Variants in UTY observed in about 807,000 individuals in gnomAD.
UTY encodes the protein ubiquitously transcribed tetratricopeptide repeat containing, Y-linked, also known as histone demethylase UTY.
In UTY, 12 loss-of-function variants were observed where a neutral mutation model predicts 32.5. The observed-to-expected ratio is 0.37, with a 90% CI of 0.24 to 0.60. The LOEUF (loss-of-function observed/expected upper bound fraction) is 0.60, where lower values mean the gene tolerates loss of function less well. Ranked by LOEUF, UTY falls within the 20% of genes least tolerant of loss-of-function variation. The pLI, the probability that UTY is intolerant of heterozygous loss-of-function variation, is 0.69. For synonymous variants in UTY, 131 were observed against 103.4 expected (o/e 1.27, Z -1.62); for missense variants, 303 against 299.2 (o/e 1.01, Z -0.09).
At chrY:13,370,475 A>T (rs2064797312) in intron 8 of UTY, among the ~76,000 whole-genome samples, 1 of 33,623 alleles carries the variant, frequency 3.0e-5, no homozygotes, top group Non-Finnish European at 7.4e-5. Flanking sequence ...TCTTTCTCTC[A>T]CACACACATG....
chrY:13,346,319 T>C (rs1603426958), intron 17 of UTY, among the ~76,000 whole-genome samples: 2 of 33,485 alleles, frequency 6.0e-5, no homozygotes, highest in South Asian at 1.3e-3. Context: ...CCTCTGGTCA[T>C]TACCAGGAAA....
chrY:13,452,100 G>A (rs1603468128), intron 3 of UTY, among the ~76,000 whole-genome samples: 1 of 33,662 alleles, frequency 3.0e-5, no homozygotes, highest in South Asian at 6.6e-4. Flanking sequence ...CAGGTGCAGT[G>A]GCTCATACCT....
intron 17 of UTY, among the ~76,000 whole-genome samples, chrY:13,342,577 C>G (rs2061565243): frequency 2.9e-5 from 1 of 34,207 alleles, no homozygotes; most frequent in Non-Finnish European, 7.3e-5. Context: ...CAAACTCCCC[C>G]AAGGATTTAA....
intron 25 of UTY, chrY:13,300,097 A>G (rs2058296005): frequency 5.6e-5 from 8 of 143,625 alleles, no homozygotes; most frequent in Non-Finnish European, 7.0e-5. Flanking sequence ...TAAGGACAGA[A>G]TGTCTATTTG....
chrY:13,426,183 A>T, intron 4 of UTY, among the ~76,000 whole-genome samples: 1 of 33,239 alleles, frequency 3.0e-5, no homozygotes, highest in Non-Finnish European at 7.4e-5. Flanking sequence ...ATAAATAAAA[A>T]AACAAACCAA....
chrY:13,305,947 AG>A, intron 23 of UTY, 90 bp downstream of exon 23: 1 of 261,635 alleles, frequency 3.8e-6, no homozygotes, highest in Non-Finnish European at 5.9e-6. Context: ...AATTAGGAAT[AG>A]AAAAAAAACA....
chrY:13,468,747 T>C (rs1042916893), intron 3 of UTY, among the ~76,000 whole-genome samples: 1 of 33,417 alleles, frequency 3.0e-5, no homozygotes, highest in Admixed American at 2.8e-4. Flanking sequence ...TACTACATTA[T>C]TAGGAGGAAG....
chrY:13,403,223 T>C (rs2069327895), intron 6 of UTY, among the ~76,000 whole-genome samples: 1 of 32,738 alleles, frequency 3.1e-5, no homozygotes, highest in African/African-American at 1.2e-4. Context: ...ATGGGCAAGC[T>C]AATATATACA....
At chrY:13,406,303 T>C (rs560011865) in intron 6 of UTY, among the ~76,000 whole-genome samples, 6 of 33,017 alleles carry the variant, frequency 1.8e-4, no homozygotes, top group Admixed American at 1.7e-3. Flanking sequence ...AAGAACCAAT[T>C]AGGCACCCCT....
At chrY:13,358,649 T>C in intron 13 of UTY, 30 bp from the exon 14 acceptor site, 1 of 332,784 alleles carries the variant, frequency 3.0e-6, no homozygotes, top group Non-Finnish European at 4.2e-6. Flanking sequence ...GATAAAAATA[T>C]GGTTCTACAT....
chrY:13,336,044 T>G lies in UTY; in HGVS notation c.2353A>C (p.Asn785His). The G allele has an allele frequency of 2.5e-6, 1 of 399,031 alleles. No homozygotes were observed. Among genetic ancestry groups the G allele is most frequent in the South Asian group, 3.0e-5 (1 of 33,790 alleles). ...ETSRHTGDTSNGCADVKGLSN... is the reference protein window; with the variant it reads ...ETSRHTGDTSHGCADVKGLSN... Reference sequence around the variant, plus strand: ...AGTCCCTTGACATCAGCACAGCCATTAGATGTGTCTCCAGTATGCCTGCTT... The same window carrying G: ...AGTCCCTTGACATCAGCACAGCCATGAGATGTGTCTCCAGTATGCCTGCTT... The change falls in exon 18 of 30, where the codon AAT becomes CAT. Residue 785 changes from asparagine (N) to histidine (H), a missense_variant. Asn to His is a moderately conservative substitution (Grantham distance 68). Coordinates refer to ENST00000545955, the MANE Select transcript of UTY (RefSeq NM_001258249.2).
downstream of UTY, among the ~76,000 whole-genome samples, chrY:13,234,068 C>A (rs2053831135): frequency 2.9e-5 from 1 of 34,333 alleles, no homozygotes; most frequent in Non-Finnish European, 7.3e-5. Context: ...TTTGCTCAGG[C>A]CTGCTGGGCT....
At chrY:13,432,102 T>C (rs2074099073) in intron 4 of UTY, among the ~76,000 whole-genome samples, 2 of 33,865 alleles carry the variant, frequency 5.9e-5, no homozygotes, top group Non-Finnish European at 1.5e-4. Context: ...ACTAAAGGCA[T>C]TGATGAAGGA....
intron 27 of UTY, among the ~76,000 whole-genome samples, chrY:13,275,314 G>A: frequency 5.9e-5 from 2 of 33,634 alleles, no homozygotes; most frequent in Admixed American, 5.4e-4. Context: ...ATCTACTAAT[G>A]TAGTACTTAA....
intron 27 of UTY, among the ~76,000 whole-genome samples, chrY:13,260,758 T>C: frequency 9.0e-5 from 3 of 33,212 alleles, no homozygotes; most frequent in Non-Finnish European, 1.5e-4. Flanking sequence ...GTTGGAATTT[T>C]TATGATTATA....
At chrY:13,282,837 G>A in intron 27 of UTY, among the ~76,000 whole-genome samples, 1 of 34,325 alleles carries the variant, frequency 2.9e-5, no homozygotes, top group Admixed American at 2.5e-4. Flanking sequence ...AGCCCCTTAG[G>A]CCTGCCCTGC....
At chrY:13,372,929 CT>C (rs2065068764) in intron 8 of UTY, among the ~76,000 whole-genome samples, 18 of 33,213 alleles carry the variant, frequency 5.4e-4, no homozygotes. Context: ...AATTTGAACC[CT>C]TGTGTATTGC....
chrY:13,452,471 T>C lies in UTY; in HGVS notation c.326-3405A>G. 1.5e-4 allele frequency among the ~76,000 whole-genome samples: 5 copies of C among 33,324 alleles called. No homozygotes were observed. In the South Asian group the frequency reaches 3.2e-3, roughly 22 times the overall value. The allele number at this position is 33,324 out of a possible 37,273, so 89.4% of individuals were successfully genotyped here. A position where few individuals can be genotyped will look rare whatever the true frequency, so the allele number is the denominator to read the frequency against. On this transcript the variant is annotated intron_variant, in intron 3 of 29. Coordinates refer to ENST00000545955, the MANE Select transcript of UTY (RefSeq NM_001258249.2). ...AAAAGATGGGAGAAATGTTTGAATA[T>C]ATGATAAAAATTTTTAAACTGGAAT...
At position 13,437,797 on chromosome Y, in the gene UTY, G is replaced by C. The variant is rs937026413; in HGVS notation, c.375+11220C>G. On this transcript the variant is annotated intron_variant, in intron 4 of 29. Coordinates refer to ENST00000545955, the MANE Select transcript of UTY (RefSeq NM_001258249.2). The stretch of plus-strand genomic sequence containing the variant: ...CTCTACATCTGACCCACAGGCAGCT[G>C]ATAACCAGAAAATGGTAAATACTGC... 9.0e-5 allele frequency among the ~76,000 whole-genome samples: 3 copies of C among 33,246 alleles called. No individual in the cohort carries two copies. In the South Asian group the frequency reaches 2.0e-3, roughly 22 times the overall value. The allele number at this position is 33,246 out of a possible 37,273, so 89.2% of individuals were successfully genotyped here.
Sources: gnomAD v4.1 joint callset for allele counts (sites outside exome capture counted in the v4.1 genomes callset) on GRCh38, gnomAD v4.1.1 for gene constraint, MANE v1.5 for transcripts, NCBI Gene and HGNC (gene_info 2026-07-23, HGNC 2026-07-21) for gene names.